PCDH15: variants seen among roughly 807,000 people sequenced by gnomAD.
PCDH15 encodes protocadherin related 15.
PCDH15 carries 129 observed loss-of-function variants against 178.5 expected under a neutral mutation model. That is an observed-to-expected ratio of 0.72 (90% CI 0.63 to 0.84). PCDH15 has a LOEUF of 0.84. Ranked by LOEUF, PCDH15 falls within the 40% of genes least tolerant of loss-of-function variation. The probability of loss-of-function intolerance (pLI) is 0.00; values close to 1 mark genes in which losing one functional copy is unlikely to be tolerated. For synonymous variants in PCDH15, 800 were observed against 732.0 expected, an observed-to-expected ratio of 1.09 and a Z score of -1.50; for missense variants, 2,230 against 2,099.9, an observed-to-expected ratio of 1.06 and a Z score of -1.21.
chr10:54,861,607 A>C (rs1953844660), intron 3 of PCDH15, among the ~76,000 whole-genome samples: 1 of 152,194 alleles, frequency 6.6e-6, no homozygotes, highest in South Asian at 2.1e-4. Context: ...AATGGAGAAA[A>C]GTTTAAAGTA....
At chr10:55,173,854 T>C (rs908476295) in intron 1 of PCDH15, among the ~76,000 whole-genome samples, 2 of 152,170 alleles carry the variant, frequency 1.3e-5, no homozygotes, top group African/African-American at 4.8e-5. Context: ...CATTCATCTA[T>C]CTATTTTCAT....
chr10:55,030,454 T>G (rs1232903424), intron 2 of PCDH15, among the ~76,000 whole-genome samples: 1 of 152,160 alleles, frequency 6.6e-6, no homozygotes, highest in Non-Finnish European at 1.5e-5. Context: ...AAAAGATTCC[T>G]GGATAATACA....
At chr10:55,395,831 ATCC>A (rs1220263175) in intron 2 of PCDH15, among the ~76,000 whole-genome samples, 2 of 152,080 alleles carry the variant, frequency 1.3e-5, no homozygotes, top group African/African-American at 4.8e-5. Context: ...TAGTCTCACT[ATCC>A]TCCTATATCA....
intron 10 of PCDH15, among the ~76,000 whole-genome samples, chr10:54,205,481 T>TGTGTGTGTGTGTGTGTG (rs2050698469): frequency 1.5e-5 from 2 of 135,088 alleles, no homozygotes; most frequent in African/African-American, 2.8e-5. Flanking sequence ...TATATTTCCT[T>TGTGTGTGTGTGTGTGTG]TGTGTGTGTG....
rs1460310096 is a variant in PCDH15, at chr10:54,924,428, T to C, written c.-79-26928A>G. Among the ~76,000 whole-genome samples the C allele has an allele frequency of 4.3e-5, 6 of 138,010 alleles. 1 individual carries two copies. Among genetic ancestry groups the C allele is most frequent in the Non-Finnish European group, 1.0e-4 (6 of 59,232 alleles). 90.5% of individuals were successfully genotyped at this position (138,010 alleles called of 152,430 possible). A position where few individuals can be genotyped will look rare whatever the true frequency, so the allele number is the denominator to read the frequency against. On this transcript the variant is annotated intron_variant, in intron 2 of 5. Coordinates refer to the PCDH15 transcript ENST00000458638. The stretch of plus-strand genomic sequence containing the variant: ...ATACACATGCATGTGTCTTTATGAC[T>C]GGACAATTCATATGCATTTGGGTAT...
chr10:55,414,681 A>C (rs1038371398), intron 2 of PCDH15, among the ~76,000 whole-genome samples: 38 of 151,036 alleles, frequency 2.5e-4, no homozygotes, highest in African/African-American at 9.2e-4. Context: ...TAGATAGATA[A>C]TTATTGGTGT....
intron 24 of PCDH15, among the ~76,000 whole-genome samples, chr10:53,940,542 G>A (rs987946114): frequency 6.6e-6 from 1 of 152,078 alleles, no homozygotes; most frequent in Admixed American, 6.6e-5. Flanking sequence ...AATGATCATG[G>A]CCAAAAGCTG....
At chr10:54,490,658 C>G (rs1376744852) in intron 3 of PCDH15, among the ~76,000 whole-genome samples, 1 of 151,978 alleles carries the variant, frequency 6.6e-6, no homozygotes, top group Admixed American at 6.6e-5. Context: ...CCATCCCACC[C>G]GATCCGCTGA....
intron 11 of PCDH15, 44 bp downstream of exon 11, chr10:54,195,639 G>C: frequency 6.7e-7 from 1 of 1,486,848 alleles, no homozygotes; most frequent in Non-Finnish European, 9.4e-7. Flanking sequence ...ATGGAAATAT[G>C]AGATTTGTTA....
chr10:54,354,119 G>A (rs1044008789), intron 5 of PCDH15, among the ~76,000 whole-genome samples: 4 of 152,176 alleles, frequency 2.6e-5, no homozygotes, highest in Non-Finnish European at 2.9e-5. Flanking sequence ...CCAAGTAGCT[G>A]GGATTACAGG....
At chr10:54,444,904 C>T (rs570601671) in intron 3 of PCDH15, among the ~76,000 whole-genome samples, 1 of 151,668 alleles carries the variant, frequency 6.6e-6, no homozygotes, top group East Asian at 1.9e-4. Context: ...GTGAGGAAAG[C>T]ACTTTCTTAT....
intron 3 of PCDH15, among the ~76,000 whole-genome samples, chr10:54,453,628 C>T (rs1470791206): frequency 6.7e-6 from 1 of 149,792 alleles, no homozygotes; most frequent in South Asian, 2.1e-4. Context: ...ACGTTGTGCA[C>T]ATGTACCCTA....
intron 2 of PCDH15, among the ~76,000 whole-genome samples, chr10:55,500,271 A>G (rs369361294): frequency 1.2e-3 from 187 of 151,934 alleles, no homozygotes; most frequent in African/African-American, 4.3e-3. Flanking sequence ...ATTTGACCAA[A>G]GTATTGAAAT....
chr10:54,601,396 C>T (rs1348690699), intron 2 of PCDH15, among the ~76,000 whole-genome samples: 1 of 150,972 alleles, frequency 6.6e-6, no homozygotes, highest in African/African-American at 2.4e-5. Context: ...TTTTCAAACA[C>T]AAAAACAAAA....
intron 1 of PCDH15, among the ~76,000 whole-genome samples, chr10:55,180,497 A>G (rs1839618804): frequency 6.6e-6 from 1 of 152,110 alleles, no homozygotes; most frequent in African/African-American, 2.4e-5. Context: ...TCACTCATCT[A>G]TTCACTTGTC....
At chr10:54,002,891 C>T (rs1589855120) in intron 20 of PCDH15, among the ~76,000 whole-genome samples, 1 of 152,154 alleles carries the variant, frequency 6.6e-6, no homozygotes, top group Non-Finnish European at 1.5e-5. Flanking sequence ...CCACAGCCAG[C>T]AGTGGCAACC....
intron 1 of PCDH15, among the ~76,000 whole-genome samples, chr10:55,309,438 A>G (rs1843518677): frequency 6.6e-6 from 1 of 151,710 alleles, no homozygotes; most frequent in African/African-American, 2.4e-5. Flanking sequence ...GATCACTTGA[A>G]CCCAGTAGGT....
At chr10:54,867,683 C>A (rs745437127) in intron 3 of PCDH15, among the ~76,000 whole-genome samples, 1 of 151,964 alleles carries the variant, frequency 6.6e-6, no homozygotes, top group Admixed American at 6.6e-5. Context: ...TTATATATTA[C>A]AATATTGCAA....
At chr10:54,308,183 G>T (rs2060669358) in intron 8 of PCDH15, among the ~76,000 whole-genome samples, 1 of 152,136 alleles carries the variant, frequency 6.6e-6, no homozygotes, top group African/African-American at 2.4e-5. Flanking sequence ...CCTCATAATT[G>T]AGTAAGCCAT....
Sources: gnomAD v4.1 joint callset for allele counts (sites outside exome capture counted in the v4.1 genomes callset) on GRCh38, gnomAD v4.1.1 for gene constraint, MANE v1.5 for transcripts, NCBI Gene and HGNC (gene_info 2026-07-23, HGNC 2026-07-21) for gene names.